NUP153: variants seen among roughly 807,000 people sequenced by gnomAD.
The protein encoded by NUP153 is nucleoporin 153.
NUP153 carries 27 observed loss-of-function variants against 134.6 expected under a neutral mutation model. The ratio of observed to expected loss-of-function variants is 0.20; its 90% CI spans 0.15 to 0.28. NUP153 has a LOEUF of 0.28. NUP153 is among the 10% of genes least tolerant of loss of function. NUP153 has a pLI of 1.00. For synonymous variants in NUP153, 640 were observed against 623.5 expected (o/e 1.03, Z -0.40); for missense variants, 1,821 against 1,731.3 (o/e 1.05, Z -0.92).
intron 2 of NUP153, 91 bp downstream of exon 2, chr6:17,688,305 G>C: frequency 1.1e-6 from 1 of 888,632 alleles, no homozygotes; most frequent in East Asian, 2.5e-5. Context: ...TTTATGTACC[G>C]CCTGATTAGA....
chr6:17,630,173 A>C (rs1765161113), intron 17 of NUP153, among the ~76,000 whole-genome samples: 1 of 152,226 alleles, frequency 6.6e-6, no homozygotes, highest in African/African-American at 2.4e-5. Context: ...AAAGATTTAC[A>C]AGAAACTAAC....
In NUP153 at chr6:17,617,463, A is replaced by AT. The variant is rs1182228527; in HGVS notation, c.4175-769dup. Among the ~76,000 whole-genome samples, 4 of 123,616 alleles carry AT rather than the reference A, an allele frequency of 3.2e-5. No individual in the cohort carries two copies. The South Asian group carries it at 1.1e-3, about 34-fold the overall frequency. The allele number at this position is 123,616 out of a possible 152,430, so 81.1% of individuals were successfully genotyped here. On this transcript the variant is annotated intron_variant, in intron 20 of 21. Transcript: ENST00000262077. Reference sequence around the variant, plus strand: ...CTATGGAAGTGAGGATGTAGTGGGAATTAAAAAAAAAAAAAAAAAAAAAGG... The same window carrying AT: ...CTATGGAAGTGAGGATGTAGTGGGAATTTAAAAAAAAAAAAAAAAAAAAAGG...
At chr6:17,684,000 T>C (rs1768767638) in intron 2 of NUP153, among the ~76,000 whole-genome samples, 1 of 152,126 alleles carries the variant, frequency 6.6e-6, no homozygotes. Context: ...TGGGTTCACA[T>C]GATATTTGGT....
chr6:17,686,988 AC>A (rs1768974551), intron 2 of NUP153, among the ~76,000 whole-genome samples: 1 of 152,134 alleles, frequency 6.6e-6, no homozygotes, highest in East Asian at 1.9e-4. Context: ...CAGAAGTTAT[AC>A]AAAAAAGCTT....
intron 9 of NUP153, among the ~76,000 whole-genome samples, chr6:17,663,402 T>A (rs893309233): frequency 5.3e-5 from 8 of 151,996 alleles, no homozygotes; most frequent in Non-Finnish European, 4.4e-5. Context: ...TTGCTAGGAT[T>A]ACAGACACGC....
intron 11 of NUP153, among the ~76,000 whole-genome samples, chr6:17,656,568 G>C (rs1766833337): frequency 6.6e-6 from 1 of 151,972 alleles, no homozygotes; most frequent in African/African-American, 2.4e-5. Flanking sequence ...GTACACGTGG[G>C]GTTTTGCCAT....
intron 15 of NUP153, among the ~76,000 whole-genome samples, chr6:17,639,129 G>C (rs905891511): frequency 6.6e-6 from 1 of 151,534 alleles, no homozygotes. Flanking sequence ...CCAGGCTGGA[G>C]TGCAGTGGTT....
At chr6:17,701,038 C>A (rs1390256321) in intron 1 of NUP153, among the ~76,000 whole-genome samples, 1 of 151,946 alleles carries the variant, frequency 6.6e-6, no homozygotes. Flanking sequence ...CCAGCCTGAT[C>A]AACATGGAGA....
Position 17,637,627 on chromosome 6 carries a change from A to T in NUP153, c.1990T>A (p.Cys664Ser). The change falls in exon 16 of 22, where the codon TGT becomes AGT. Residue 664 changes from cysteine (C) to serine (S), a missense_variant. Coordinates refer to ENST00000262077, the MANE Select transcript of NUP153 (RefSeq NM_005124.4). ...ESLKAGSSWQCDTCLLQNKVT... is the reference protein window; with the variant it reads ...ESLKAGSSWQSDTCLLQNKVT... The stretch of plus-strand genomic sequence containing the variant: ...TTGTTCTGGAGTAGACATGTATCAC[A>T]CTGCCATGATGACCCAGCTTTTAAA... 1.9e-6 allele frequency: 3 copies of T among 1,614,064 alleles called. No individual in the cohort carries two copies. In the South Asian group the frequency reaches 3.3e-5, roughly 18 times the overall value.
At chr6:17,643,974 GA>G (rs940152700) in intron 14 of NUP153, among the ~76,000 whole-genome samples, 82 of 151,194 alleles carry the variant, frequency 5.4e-4, no homozygotes, top group Non-Finnish European at 6.0e-4. Context: ...TAACATTAAA[GA>G]AAAAAAACTT....
At chr6:17,633,790 C>CA (rs1350456392) in intron 16 of NUP153, among the ~76,000 whole-genome samples, 1 of 152,164 alleles carries the variant, frequency 6.6e-6, no homozygotes, top group African/African-American at 2.4e-5. Context: ...CCACCTCTTC[C>CA]ATAGTTACCT....
chr6:17,621,948 A>G (rs1764661444), intron 20 of NUP153, among the ~76,000 whole-genome samples: 1 of 152,122 alleles, frequency 6.6e-6, no homozygotes. Context: ...TTTAAAAATG[A>G]AAAACTTTAA....
At chr6:17,688,669 A>G in intron 1 of NUP153, 51 bp from the exon 2 acceptor site, 1 of 1,442,142 alleles carries the variant, frequency 6.9e-7, no homozygotes, top group African/African-American at 1.4e-5. Flanking sequence ...TATCTTTTTA[A>G]AATAAGTACC....
chr6:17,618,558 CTCTCTT>C (rs772531480), intron 20 of NUP153, among the ~76,000 whole-genome samples: 10 of 63,576 alleles, frequency 1.6e-4, no homozygotes, highest in Non-Finnish European at 1.9e-4. Context: ...AAGTTAAAAT[CTCTCTT>C]TTTTTTTTTT....
intron 14 of NUP153, among the ~76,000 whole-genome samples, chr6:17,640,810 T>C (rs1765796884): frequency 1.3e-5 from 2 of 152,068 alleles, no homozygotes; most frequent in South Asian, 4.1e-4. Flanking sequence ...TTTGTAGACA[T>C]GGGGTCTCAC....
Position 17,675,830 on chromosome 6 carries a change from T to C in NUP153, c.335-60A>G, listed in dbSNP as rs560682877. ...ACTTAGAGCGATACACTACCACAAATGGTTTTTACTTTAAGAAAACACATT... is the reference window on the plus strand; with the variant it reads ...ACTTAGAGCGATACACTACCACAAACGGTTTTTACTTTAAGAAAACACATT... On this transcript the variant is annotated intron_variant, in intron 2 of 21. Transcript: ENST00000262077. This position sits in a 1 kb window ranked among gnomAD's most constrained non-coding sequence, Gnocchi z 4.4. 1.4e-5 allele frequency: 22 copies of C among 1,522,660 alleles called. No homozygotes were observed. The South Asian group carries it at 1.6e-4, about 11-fold the overall frequency. The allele number at this position is 1,522,660 out of a possible 1,614,324, so 94.3% of individuals were successfully genotyped here.
rs552417169 is a variant in NUP153, at chr6:17,665,613, C to T, written c.1069-228G>A. On this transcript the variant is annotated intron_variant, in intron 8 of 21. Transcript: ENST00000262077. The stretch of plus-strand genomic sequence containing the variant: ...CACATATAATTCTAAAATGGCTTCA[C>T]GGATACTCTATATTTCATTCCAGAC... 2.9e-4 allele frequency among the ~76,000 whole-genome samples: 44 copies of T among 152,218 alleles called. No homozygotes were observed. The Middle Eastern group carries it at 0.014, about 47-fold the overall frequency.
intron 5 of NUP153, among the ~76,000 whole-genome samples, chr6:17,671,105 A>G (rs138040866): frequency 1.3e-5 from 2 of 152,214 alleles, no homozygotes; most frequent in African/African-American, 4.8e-5. Context: ...CACCTGGTCT[A>G]ATCCCATTAA....
intron 5 of NUP153, among the ~76,000 whole-genome samples, chr6:17,671,808 G>A (rs1032863502): frequency 6.6e-6 from 1 of 152,122 alleles, no homozygotes; most frequent in Admixed American, 6.5e-5. Context: ...AGGAGTTCGA[G>A]ACCAGCCTGG....
Sources: gnomAD v4.1 joint callset for allele counts (sites outside exome capture counted in the v4.1 genomes callset) on GRCh38, gnomAD v4.1.1 for gene constraint, Gnocchi (gnomAD v3.1) non-coding constraint, MANE v1.5 for transcripts, NCBI Gene and HGNC (gene_info 2026-07-23, HGNC 2026-07-21) for gene names.